The following CLINT1 variants were observed in gnomAD, a reference collection of about 807,000 sequenced individuals.
CLINT1 encodes the protein clathrin interacting protein localized in the trans-Golgi region.
In CLINT1, 15 loss-of-function variants were observed where a neutral mutation model predicts 70.4. The observed-to-expected ratio is 0.21, with a 90% CI of 0.14 to 0.33. The LOEUF is 0.33. Among genes scored for constraint, CLINT1 ranks in the 10% least tolerant of loss-of-function variants. The probability of loss-of-function intolerance (pLI) is 1.00; values close to 1 mark genes in which losing one functional copy is unlikely to be tolerated. For synonymous variants in CLINT1, 227 were observed against 254.7 expected, an observed-to-expected ratio of 0.89 and a Z score of 1.04; for missense variants, 615 against 778.1, an observed-to-expected ratio of 0.79 and a Z score of 2.49.
intron 1 of CLINT1, among the ~76,000 whole-genome samples, chr5:157,850,582 T>C (rs1227776774): frequency 8.6e-6 from 1 of 116,050 alleles, no homozygotes; most frequent in Non-Finnish European, 1.6e-5. Flanking sequence ...GCCACTGCGC[T>C]CCAGCCTGGG....
intron 6 of CLINT1, among the ~76,000 whole-genome samples, chr5:157,806,709 T>C (rs1294087356): frequency 2.0e-5 from 3 of 152,230 alleles, no homozygotes. Flanking sequence ...GCTATTTTAC[T>C]ATAGTATCAG....
chr5:157,787,347 C>G lies in CLINT1; in HGVS notation c.*299G>C. 2.8e-6 allele frequency: 1 copy of G among 356,136 alleles called. No individual in the cohort carries two copies. The highest frequency in any genetic ancestry group is 8.4e-4 in the Middle Eastern group (1 of 1,192). 22.1% of individuals were successfully genotyped at this position (356,136 alleles called of 1,614,324 possible). On this transcript the variant is annotated 3_prime_UTR_variant, in exon 12 of 12. Transcript: ENST00000411809. ...ATTCAGCCCTATTCCAGTCTTCCCA[C>G]AAATTATGCTGTTAAATGGACTCTT...
intron 1 of CLINT1, among the ~76,000 whole-genome samples, chr5:157,821,540 T>A (rs17680818): frequency 0.073 from 11,164 of 152,316 alleles, 567 homozygotes; most frequent in Non-Finnish European, 0.11. Context: ...AACAATCTAA[T>A]AGTCACCAGA....
intron 4 of CLINT1, 62 bp from the exon 5 acceptor site, chr5:157,813,289 T>A: frequency 7.2e-7 from 1 of 1,389,752 alleles, no homozygotes; most frequent in East Asian, 2.5e-5. Flanking sequence ...TCAAGCTCTT[T>A]AAGATTAAAA....
chr5:157,847,648 G>A (rs373167139), intron 1 of CLINT1, among the ~76,000 whole-genome samples: 4 of 152,326 alleles, frequency 2.6e-5, no homozygotes, highest in Admixed American at 6.5e-5. Context: ...GGTGAGAACA[G>A]CAAGAAAACT....
chr5:157,831,520 A>C (rs1256779432), intron 1 of CLINT1, among the ~76,000 whole-genome samples: 4 of 151,922 alleles, frequency 2.6e-5, no homozygotes, highest in Non-Finnish European at 5.9e-5. Flanking sequence ...CAAAGAAACA[A>C]CAAAAAGCAC....
At position 157,787,744 on chromosome 5, in the gene CLINT1, C is replaced by T. The variant is rs1184327190; in HGVS notation, c.1780G>A (p.Gly594Ser). ...GMSAAGMGLTGTMGMGMPNIA... is the reference protein window; with the variant it reads ...GMSAAGMGLTSTMGMGMPNIA... ...TTGGGCATGCCCATTCCCATTGTGC[C>T]TGTCAAGCCCATCCCAGCAGCGGAC... Residue 594 changes from glycine (G) to serine (S), a missense_variant, in exon 12 of 12, where the codon GGC (glycine) becomes AGC (serine). Transcript: ENST00000411809. 5 of 1,613,902 alleles carry T rather than the reference C, an allele frequency of 3.1e-6. No individual in the cohort carries two copies. In the African/African-American group the frequency reaches 6.7e-5, roughly 22 times the overall value.
rs189879165 is a variant in CLINT1, at chr5:157,814,143, A to G, written c.352+42T>C. On this transcript the variant is annotated intron_variant, in intron 4 of 11. Coordinates refer to ENST00000411809, the MANE Select transcript of CLINT1 (RefSeq NM_014666.4). ...CTGGTTCAGGTGACTGACAACTCCA[A>G]CTACTGTTTTAATTTGCTTATAAGG... 1,774 of 1,298,668 alleles carry G rather than the reference A, an allele frequency of 1.4e-3. 17 individuals carry two copies. In the African/African-American group the frequency reaches 0.022, roughly 16 times the overall value. 80.4% of individuals were successfully genotyped at this position (1,298,668 alleles called of 1,614,324 possible).
intron 1 of CLINT1, 107 bp from the exon 2 acceptor site, chr5:157,817,654 T>C (rs1762763601): frequency 1.0e-5 from 7 of 676,104 alleles, no homozygotes; most frequent in Non-Finnish European, 1.6e-5. Context: ...ATGAGCTACC[T>C]CTACAGGATG....
chr5:157,857,309 T>C lies in CLINT1; in HGVS notation c.41+1621A>G, dbSNP rs966479979. 5.9e-5 allele frequency among the ~76,000 whole-genome samples: 9 copies of C among 151,274 alleles called. 1 individual carries two copies. Among genetic ancestry groups the C allele is most frequent in the Non-Finnish European group, 1.3e-4 (9 of 67,862 alleles). ...AGTTGATATCCTAATCTTTACACAA[T>C]ATACTAAAAAAATGCCAATGAACCT... is the stretch of plus-strand genomic sequence containing the variant. On this transcript the variant is annotated intron_variant, in intron 1 of 11. Coordinates refer to ENST00000411809, the MANE Select transcript of CLINT1 (RefSeq NM_014666.4).
intron 1 of CLINT1, among the ~76,000 whole-genome samples, chr5:157,833,100 C>T (rs1408955368): frequency 1.3e-5 from 2 of 152,086 alleles, no homozygotes; most frequent in East Asian, 1.9e-4. Flanking sequence ...CCTGTAATTC[C>T]GGCACTGGGG....
At chr5:157,802,386 T>C (rs373623742) in intron 8 of CLINT1, among the ~76,000 whole-genome samples, 126 of 152,304 alleles carry the variant, frequency 8.3e-4, no homozygotes, top group African/African-American at 3.0e-3. Context: ...TAAAACTCCA[T>C]AATCATCAAA....
Position 157,791,711 on chromosome 5 carries a change from T to G in CLINT1, c.1372A>C (p.Arg458=), listed in dbSNP as rs1017260743. The G allele has an allele frequency of 1.2e-6, 2 of 1,609,892 alleles. No individual in the cohort carries two copies. The highest frequency in any genetic ancestry group is 1.7e-6 in the Non-Finnish European group (2 of 1,177,608). Residue 458 remains arginine (R), a synonymous_variant, in exon 10 of 12, where the codon AGA becomes CGA. Transcript: ENST00000411809. The part of the protein sequence containing the change: ...NTVGLGLPMS[R]SQNTDMVQKS... ...GGAACCAGACAACTTACCTGTGATC[T>G]TGACATAGGCAAACCAAGTCCCACA...
chr5:157,802,373 T>C (rs1481765792), intron 8 of CLINT1, among the ~76,000 whole-genome samples: 1 of 152,220 alleles, frequency 6.6e-6, no homozygotes, highest in Non-Finnish European at 1.5e-5. Context: ...CACAATAGTT[T>C]ATTAAAACTC....
At chr5:157,834,356 G>C (rs1763347690) in intron 1 of CLINT1, among the ~76,000 whole-genome samples, 1 of 147,734 alleles carries the variant, frequency 6.8e-6, no homozygotes, top group Non-Finnish European at 1.5e-5. Flanking sequence ...CTGGGCAACA[G>C]AGCGATTAAA....
chr5:157,824,147 T>C (rs970180422), intron 1 of CLINT1, among the ~76,000 whole-genome samples: 4 of 152,210 alleles, frequency 2.6e-5, no homozygotes, highest in African/African-American at 9.7e-5. Context: ...TCTTTTTATG[T>C]TTCCATCCAT....
At chr5:157,850,680 A>G (rs1280100083) in intron 1 of CLINT1, among the ~76,000 whole-genome samples, 1 of 151,364 alleles carries the variant, frequency 6.6e-6, no homozygotes, top group East Asian at 1.9e-4. Flanking sequence ...TAAGACATGT[A>G]GTTTCAACCG....
At chr5:157,809,138 A>G (rs1000145384) in intron 6 of CLINT1, 6 of 152,568 alleles carry the variant, frequency 3.9e-5, no homozygotes, top group African/African-American at 1.4e-4. Flanking sequence ...CCAGAACAAT[A>G]CAGGGAAGAT....
At chr5:157,825,999 TATAG>T (rs1481572520) in intron 1 of CLINT1, among the ~76,000 whole-genome samples, 1 of 152,180 alleles carries the variant, frequency 6.6e-6, no homozygotes, top group African/African-American at 2.4e-5. Flanking sequence ...TTGTACTACT[TATAG>T]ATAAAATAGA....
Sources: gnomAD v4.1 joint callset for allele counts (sites outside exome capture counted in the v4.1 genomes callset) on GRCh38, gnomAD v4.1.1 for gene constraint, MANE v1.5 for transcripts, NCBI Gene and HGNC (gene_info 2026-07-23, HGNC 2026-07-21) for gene names.